Variants in GPC6 observed in about 807,000 individuals in gnomAD.
The protein encoded by GPC6 is glypican-6.
GPC6 carries 14 observed loss-of-function variants against 55.2 expected under a neutral mutation model. That is an observed-to-expected ratio of 0.25 (90% CI 0.17 to 0.40). The LOEUF is 0.40. Among genes scored for constraint, GPC6 ranks in the 10% least tolerant of loss-of-function variants. GPC6 has a pLI of 1.00. For synonymous variants in GPC6, 278 were observed against 259.6 expected, an observed-to-expected ratio of 1.07 and a Z score of -0.68; for missense variants, 641 against 708.5, an observed-to-expected ratio of 0.90 and a Z score of 1.08.
chr13:93,842,372 C>T (rs1887984258), intron 3 of GPC6, among the ~76,000 whole-genome samples: 1 of 152,048 alleles, frequency 6.6e-6, no homozygotes, highest in Non-Finnish European at 1.5e-5. Context: ...CCCCATTTTC[C>T]ATAAAATATC....
intron 7 of GPC6, among the ~76,000 whole-genome samples, chr13:94,386,252 C>T (rs922838964): frequency 3.3e-5 from 5 of 151,440 alleles, no homozygotes; most frequent in East Asian, 1.9e-4. Flanking sequence ...CCCAGCTACT[C>T]GGGAGGCTGA....
At position 94,224,263 on chromosome 13, in the gene GPC6, AT is replaced by A. The variant is rs1566563184; in HGVS notation, c.878-62085del. 2.4e-4 allele frequency among the ~76,000 whole-genome samples: 9 copies of A among 37,304 alleles called. No homozygotes were observed. The South Asian group carries it at 5.2e-3, about 22-fold the overall frequency. The allele number at this position is 37,304 out of a possible 152,430, so 24.5% of individuals were successfully genotyped here. A position where few individuals can be genotyped will look rare whatever the true frequency, so the allele number is the denominator to read the frequency against. On this transcript the variant is annotated intron_variant, in intron 4 of 8. Transcript: ENST00000377047. ...TTTTGTATATCATCTTTAAATATAT[AT>A]ATATATATATATATATATATCAAAT...
At chr13:93,250,657 G>A (rs1349664434) in intron 1 of GPC6, among the ~76,000 whole-genome samples, 1 of 152,150 alleles carries the variant, frequency 6.6e-6, no homozygotes, top group Non-Finnish European at 1.5e-5. Context: ...CAGGTGAGGG[G>A]TGTAGCTCTC....
intron 3 of GPC6, among the ~76,000 whole-genome samples, chr13:93,838,010 T>G (rs1409014406): frequency 6.6e-6 from 1 of 152,248 alleles, no homozygotes; most frequent in Non-Finnish European, 1.5e-5. Flanking sequence ...AACCCTTGAA[T>G]GAAAACCATC....
At chr13:93,515,995 T>A (rs1881175150) in intron 1 of GPC6, among the ~76,000 whole-genome samples, 2 of 151,726 alleles carry the variant, frequency 1.3e-5, no homozygotes, top group African/African-American at 4.9e-5. Context: ...TCCCAAGGTA[T>A]TTTTTTAACT....
chr13:93,297,465 CAA>C (rs1039903299), intron 1 of GPC6, among the ~76,000 whole-genome samples: 9 of 151,900 alleles, frequency 5.9e-5, no homozygotes, highest in Non-Finnish European at 1.3e-4. Flanking sequence ...CTTAAAAATG[CAA>C]AATAAAAAAA....
At chr13:93,562,664 G>A (rs896629303) in intron 2 of GPC6, among the ~76,000 whole-genome samples, 10 of 151,884 alleles carry the variant, frequency 6.6e-5, no homozygotes, top group African/African-American at 2.2e-4. Flanking sequence ...TGTTTCCTTG[G>A]TTCATTTCTC....
At chr13:93,796,437 C>G (rs1490870879) in intron 2 of GPC6, among the ~76,000 whole-genome samples, 2 of 151,984 alleles carry the variant, frequency 1.3e-5, no homozygotes, top group Non-Finnish European at 2.9e-5. Context: ...AATCACAGTA[C>G]TAATAGGCTT....
At chr13:93,601,143 C>T (rs1878000010) in intron 2 of GPC6, among the ~76,000 whole-genome samples, 1 of 151,764 alleles carries the variant, frequency 6.6e-6, no homozygotes, top group Admixed American at 6.6e-5. Flanking sequence ...GAACCCAGCA[C>T]TTTGGGACGC....
chr13:93,446,826 G>A (rs1456155319), intron 1 of GPC6, among the ~76,000 whole-genome samples: 1 of 152,014 alleles, frequency 6.6e-6, no homozygotes, highest in Admixed American at 6.6e-5. Context: ...TTTTTAAACT[G>A]TTGAAATTTA....
intron 1 of GPC6, among the ~76,000 whole-genome samples, chr13:93,475,414 AT>A (rs5805807): frequency 0.79 from 120,544 of 152,022 alleles, 47,965 homozygotes; most frequent in East Asian, 0.99. Flanking sequence ...TAGTACCTTA[AT>A]TTACGTTTCA....
intron 1 of GPC6, among the ~76,000 whole-genome samples, chr13:93,358,993 T>TC (rs1369917949): frequency 4.6e-5 from 7 of 151,340 alleles, no homozygotes; most frequent in Admixed American, 4.6e-4. Context: ...TTTTTTGTTT[T>TC]TTTTTTCACT....
chr13:93,450,146 T>G (rs9556291), intron 1 of GPC6, among the ~76,000 whole-genome samples: 23,157 of 152,112 alleles, frequency 0.15, 2,354 homozygotes, highest in East Asian at 0.47. Flanking sequence ...ACCACTGGAG[T>G]TTTTTTCTCA....
At chr13:93,623,495 C>G (rs1879054530) in intron 2 of GPC6, among the ~76,000 whole-genome samples, 1 of 132,760 alleles carries the variant, frequency 7.5e-6, no homozygotes, top group Admixed American at 8.7e-5. Context: ...GTCTCGCTCT[C>G]TCGCCCAGGC....
chr13:94,187,412 G>A (rs1465799622), intron 4 of GPC6: 1 of 152,202 alleles, frequency 6.6e-6, no homozygotes. Flanking sequence ...CAGAAGGTAA[G>A]AGGCCACGTA....
At chr13:94,057,667 A>C (rs1231606525) in intron 4 of GPC6, among the ~76,000 whole-genome samples, 1 of 152,206 alleles carries the variant, frequency 6.6e-6, no homozygotes, top group African/African-American at 2.4e-5. Flanking sequence ...CCATCATTAT[A>C]CTGTTTTACA....
At chr13:94,308,530 A>G (rs1876074963) in intron 6 of GPC6, among the ~76,000 whole-genome samples, 1 of 152,226 alleles carries the variant, frequency 6.6e-6, no homozygotes, top group African/African-American at 2.4e-5. Flanking sequence ...CATCACAAGT[A>G]AAAGCCAAGG....
chr13:93,938,327 A>G (rs1300440682), intron 3 of GPC6, among the ~76,000 whole-genome samples: 1 of 152,194 alleles, frequency 6.6e-6, no homozygotes, highest in Non-Finnish European at 1.5e-5. Context: ...CTTAAATTCA[A>G]CTAGTTTGAT....
At chr13:94,289,398 C>A (rs1874819762) in intron 5 of GPC6, among the ~76,000 whole-genome samples, 1 of 152,122 alleles carries the variant, frequency 6.6e-6, no homozygotes, top group African/African-American at 2.4e-5. Flanking sequence ...TAAAAGAGCT[C>A]CTTTTTTAGG....
Sources: gnomAD v4.1 joint callset for allele counts (sites outside exome capture counted in the v4.1 genomes callset) on GRCh38, gnomAD v4.1.1 for gene constraint, MANE v1.5 for transcripts, NCBI Gene and HGNC (gene_info 2026-07-23, HGNC 2026-07-21) for gene names.